The following DDX10 variants were observed in gnomAD, a reference collection of about 807,000 sequenced individuals.
DDX10 encodes probable ATP-dependent RNA helicase DDX10.
In DDX10, 74 loss-of-function variants were observed where a neutral mutation model predicts 104.3. The ratio of observed to expected loss-of-function variants is 0.71; its 90% CI spans 0.59 to 0.86. The LOEUF (loss-of-function observed/expected upper bound fraction) is 0.86. DDX10 is among the 40% of genes least tolerant of loss of function. The pLI is 0.00. For synonymous variants in DDX10, 351 were observed against 353.4 expected (o/e 0.99, Z 0.08); for missense variants, 952 against 1,040.0 (o/e 0.92, Z 1.16).
intron 16 of DDX10, among the ~76,000 whole-genome samples, chr11:108,865,167 G>C (rs566208129): frequency 5.9e-5 from 9 of 152,280 alleles, no homozygotes; most frequent in African/African-American, 2.2e-4. Flanking sequence ...CACTGGGAGA[G>C]AGTGGCCCTG....
At chr11:108,824,915 T>C (rs1211699191) in intron 13 of DDX10, among the ~76,000 whole-genome samples, 2 of 152,188 alleles carry the variant, frequency 1.3e-5, no homozygotes, top group East Asian at 3.8e-4. Context: ...TAGGGAATTA[T>C]GGGATTTTCC....
rs552489395 is a variant in DDX10, at chr11:108,675,281, A to G, written c.248-315A>G. Among the ~76,000 whole-genome samples, 407 of 152,334 alleles carry G rather than the reference A, an allele frequency of 2.7e-3. 4 individuals are homozygous for G. Among genetic ancestry groups the G allele is most frequent in the African/African-American group, 9.5e-3 (395 of 41,574 alleles). ...TTAATAAACCCTTTGGATTATACCC[A>G]GGAGTGGAGTAGGTGGATCACAGAA... On this transcript the variant is annotated intron_variant, in intron 2 of 17. Coordinates refer to ENST00000322536, the MANE Select transcript of DDX10 (RefSeq NM_004398.4).
intron 13 of DDX10, among the ~76,000 whole-genome samples, chr11:108,729,251 A>G (rs924987810): frequency 1.3e-5 from 2 of 152,164 alleles, no homozygotes; most frequent in African/African-American, 4.8e-5. Context: ...GACACTACGT[A>G]ATACCTCCTT....
intron 9 of DDX10, among the ~76,000 whole-genome samples, chr11:108,699,364 C>T (rs1446438465): frequency 2.0e-5 from 3 of 152,184 alleles, no homozygotes; most frequent in South Asian, 2.1e-4. Context: ...CTCTGGCTCT[C>T]AGTCTATCAC....
chr11:108,886,386 C>T (rs1388545277), intron 16 of DDX10, among the ~76,000 whole-genome samples: 1 of 152,216 alleles, frequency 6.6e-6, no homozygotes, highest in Admixed American at 6.5e-5. Flanking sequence ...TTTAGCTCTA[C>T]AGTCTGTCTT....
chr11:108,852,298 A>G (rs1862804980), intron 16 of DDX10, 89 bp downstream of exon 16: 1 of 858,952 alleles, frequency 1.2e-6, no homozygotes. Context: ...CAATGCTTAT[A>G]ATGTTAAAAT....
chr11:108,703,074 A>G (rs1229600469), intron 9 of DDX10, among the ~76,000 whole-genome samples: 1 of 152,244 alleles, frequency 6.6e-6, no homozygotes, highest in Non-Finnish European at 1.5e-5. Flanking sequence ...ATAGTTCATC[A>G]TGGTGACTAG....
intron 13 of DDX10, among the ~76,000 whole-genome samples, chr11:108,763,579 C>G (rs1262117360): frequency 2.0e-5 from 3 of 152,138 alleles, no homozygotes; most frequent in African/African-American, 7.2e-5. Context: ...TACTGGGCTT[C>G]CTTTTAAAAT....
chr11:108,893,034 G>A (rs1333630204), intron 16 of DDX10, among the ~76,000 whole-genome samples: 6 of 152,068 alleles, frequency 3.9e-5, no homozygotes, highest in Admixed American at 3.9e-4. Context: ...TTTATTTTGT[G>A]TGTATGTGTA....
intron 10 of DDX10, among the ~76,000 whole-genome samples, chr11:108,707,827 C>G (rs989571517): frequency 6.6e-6 from 1 of 152,152 alleles, no homozygotes; most frequent in African/African-American, 2.4e-5. Context: ...CTCAGCAGTT[C>G]CCTTAATCCT....
chr11:108,880,914 T>C (rs1863219451), intron 16 of DDX10, among the ~76,000 whole-genome samples: 1 of 152,230 alleles, frequency 6.6e-6, no homozygotes, highest in Non-Finnish European at 1.5e-5. Context: ...TTTTGTAGCC[T>C]AAGGCATTTT....
chr11:108,933,218 G>A (rs1863994894), intron 17 of DDX10, among the ~76,000 whole-genome samples: 3 of 151,916 alleles, frequency 2.0e-5, no homozygotes, highest in Admixed American at 2.0e-4. Flanking sequence ...GGAGGATTCT[G>A]GCTAAACAGA....
chr11:108,937,071 C>T (rs1864045503), intron 17 of DDX10, among the ~76,000 whole-genome samples: 1 of 152,098 alleles, frequency 6.6e-6, no homozygotes. Flanking sequence ...AGATTTGTAC[C>T]TTTCACGGGA....
At chr11:108,880,763 T>G (rs1414949201) in intron 16 of DDX10, among the ~76,000 whole-genome samples, 1 of 152,154 alleles carries the variant, frequency 6.6e-6, no homozygotes, top group Non-Finnish European at 1.5e-5. Flanking sequence ...GGCCCAGACT[T>G]GAGACAGATG....
At chr11:108,850,105 TA>T (rs932952918) in intron 15 of DDX10, among the ~76,000 whole-genome samples, 3 of 152,136 alleles carry the variant, frequency 2.0e-5, no homozygotes, top group African/African-American at 7.2e-5. Context: ...CACTCAGTAT[TA>T]AAAGTTTGTC....
chr11:108,898,069 C>G (rs1483576023), intron 16 of DDX10, among the ~76,000 whole-genome samples: 1 of 152,150 alleles, frequency 6.6e-6, no homozygotes, highest in East Asian at 1.9e-4. Context: ...GAAAAAAACT[C>G]TTGTTGCCAC....
intron 16 of DDX10, among the ~76,000 whole-genome samples, chr11:108,894,103 T>G (rs1256271122): frequency 1.3e-5 from 2 of 152,050 alleles, no homozygotes; most frequent in African/African-American, 4.8e-5. Context: ...TATGAAAATC[T>G]AATGATCAGA....
intron 13 of DDX10, among the ~76,000 whole-genome samples, chr11:108,740,337 A>G (rs2094323659): frequency 6.6e-6 from 1 of 152,154 alleles, no homozygotes; most frequent in Admixed American, 6.6e-5. Context: ...TTATGGCTGC[A>G]TAGTATTCCG....
At chr11:108,809,589 A>G (rs956305603) in intron 13 of DDX10, among the ~76,000 whole-genome samples, 1 of 152,188 alleles carries the variant, frequency 6.6e-6, no homozygotes, top group Non-Finnish European at 1.5e-5. Context: ...TGGGGGAGCT[A>G]TCTCTCAATT....
Sources: allele counts gnomAD v4.1 joint callset (sites outside exome capture counted in the v4.1 genomes callset), GRCh38; gene constraint gnomAD v4.1.1; transcripts MANE v1.5; gene names NCBI Gene and HGNC (gene_info 2026-07-23, HGNC 2026-07-21).